WASHC2A: variants seen among roughly 807,000 people sequenced by gnomAD.
WASHC2A encodes the protein WASH complex subunit 2A.
Under a neutral mutation model 140.3 loss-of-function variants are expected in WASHC2A, and 82 were observed. The observed-to-expected ratio is 0.58, with a 90% CI of 0.49 to 0.70. The LOEUF (loss-of-function observed/expected upper bound fraction) is 0.70. Among genes scored for constraint, WASHC2A ranks in the 30% least tolerant of loss-of-function variants. WASHC2A has a pLI of 0.00. For missense variants in WASHC2A, 985 were observed against 1,521.8 expected, an observed-to-expected ratio of 0.65 and a Z score of 5.87; for synonymous variants, 340 against 560.8, an observed-to-expected ratio of 0.61 and a Z score of 5.56.
chr10:50,133,023 A>C lies in WASHC2A; in HGVS notation c.*78A>C. On this transcript the variant is annotated 3_prime_UTR_variant, in exon 31 of 31. Coordinates refer to ENST00000282633, the MANE Select transcript of WASHC2A (RefSeq NM_001005751.3). ...TGATGTTGTATATGCTGATGGTCTT[A>C]ACTGGATTACAAAAAGCAAATACTA... 1 of 1,608,396 alleles carries C rather than the reference A, an allele frequency of 6.2e-7. No homozygotes were observed. The highest frequency in any genetic ancestry group is 8.5e-7 in the Non-Finnish European group (1 of 1,177,782).
chr10:50,086,462 T>C (rs1217317380), intron 7 of WASHC2A, among the ~76,000 whole-genome samples: 53 of 152,182 alleles, frequency 3.5e-4, no homozygotes, highest in African/African-American at 1.3e-3. Context: ...TTTTTTATTA[T>C]ACTTTAAGTT....
At chr10:50,074,810 G>A (rs1838155447) in intron 3 of WASHC2A, among the ~76,000 whole-genome samples, 1 of 152,096 alleles carries the variant, frequency 6.6e-6, no homozygotes, top group South Asian at 2.1e-4. Context: ...CAGCTACTCG[G>A]GAGCTTGAGG....
At chr10:50,072,198 C>T (rs1193927791) in intron 3 of WASHC2A, among the ~76,000 whole-genome samples, 2 of 147,980 alleles carry the variant, frequency 1.4e-5, no homozygotes, top group African/African-American at 5.0e-5. Flanking sequence ...AGTTATCCTA[C>T]TTCAGCCTCC....
At chr10:50,126,988 G>A (rs1286751218) in intron 26 of WASHC2A, among the ~76,000 whole-genome samples, 172 bp from the exon 27 acceptor site, 1 of 152,114 alleles carries the variant, frequency 6.6e-6, no homozygotes, top group Non-Finnish European at 1.5e-5. Context: ...GGAGGCATAC[G>A]TGAAGTAGTG....
intron 3 of WASHC2A, among the ~76,000 whole-genome samples, chr10:50,076,114 C>A (rs1437854496): frequency 1.3e-5 from 2 of 151,752 alleles, no homozygotes; most frequent in African/African-American, 2.4e-5. Context: ...GGGGTTTTGC[C>A]ATGGTTTCAC....
intron 8 of WASHC2A, among the ~76,000 whole-genome samples, chr10:50,089,500 A>C (rs1415933502): frequency 1.8e-4 from 28 of 152,082 alleles, no homozygotes; most frequent in African/African-American, 6.3e-4. Context: ...GATAAGGCTA[A>C]GTTTGAGCCT....
chr10:50,130,037 G>T lies in WASHC2A; in HGVS notation c.3706G>T (p.Glu1236Ter). ...CATATTAACAACACAAGATATTTTTGAGGTAATAGGACTTAACACGTTTTT... is the reference window on the plus strand; with the variant it reads ...CATATTAACAACACAAGATATTTTTTAGGTAATAGGACTTAACACGTTTTT... ...DVILTTQDIF[E>*]DDIFATEAIK... Residue 1236 changes from glutamate (E) to a stop codon, truncating the protein, a stop_gained and splice_region_variant, in exon 29 of 31, where the codon GAG becomes TAG. Coordinates refer to ENST00000282633, the MANE Select transcript of WASHC2A (RefSeq NM_001005751.3). LOFTEE classifies it high-confidence loss of function. 6.2e-7 allele frequency: 1 copy of T among 1,611,844 alleles called. No individual in the cohort carries two copies.
At chr10:50,129,386 G>A (rs371353909) in intron 28 of WASHC2A, 33 bp from the exon 29 acceptor site, 17 of 1,611,844 alleles carry the variant, frequency 1.1e-5, no homozygotes, top group African/African-American at 5.3e-5. Context: ...TTATTTTATC[G>A]TCAGATCAAT....
chr10:50,130,170 T>C, intron 29 of WASHC2A, 131 bp downstream of exon 29: 2 of 1,204,994 alleles, frequency 1.7e-6, no homozygotes, highest in Admixed American at 2.4e-5. Flanking sequence ...TAATTATAAT[T>C]AGGCTCTTTT....
In WASHC2A at chr10:50,127,511, T is replaced by A; in HGVS notation, c.2875-72T>A. The A allele has an allele frequency of 1.9e-6, 3 of 1,611,890 alleles. No homozygotes were observed. The South Asian group carries it at 3.3e-5, about 18-fold the overall frequency. Reference sequence around the variant, plus strand: ...TATACATTATGTGCACCGAATCTTGTCATGTGTCACAATAAAGATAATAGA... The same window carrying A: ...TATACATTATGTGCACCGAATCTTGACATGTGTCACAATAAAGATAATAGA... On this transcript the variant is annotated intron_variant, in intron 27 of 30. Transcript: ENST00000282633.
intron 19 of WASHC2A, among the ~76,000 whole-genome samples, chr10:50,107,643 C>T (rs1168485287): frequency 5.3e-5 from 8 of 152,110 alleles, no homozygotes; most frequent in South Asian, 2.1e-4. Context: ...CTTATGCGGC[C>T]GGGCGTGGTG....
rs1843412476 is a variant in WASHC2A, at chr10:50,126,175, C to T, written c.2807C>T (p.Pro936Leu). The change falls in exon 26 of 31, where the codon CCT becomes CTT. Residue 936 changes from proline (P) to leucine (L), a missense_variant. Physicochemically the swap from Pro to Leu is moderately conservative, Grantham distance 98. Transcript: ENST00000282633. ...KEKGIWKPET[P>L]QDSSGLAPFK... ...AAAGGCATATGGAAGCCGGAAACACCTCAGGTTAGAAATCCTCTTTAAGGA... is the reference window on the plus strand; with the variant it reads ...AAAGGCATATGGAAGCCGGAAACACTTCAGGTTAGAAATCCTCTTTAAGGA... 5.6e-6 allele frequency: 9 copies of T among 1,613,026 alleles called. No individual in the cohort carries two copies. Among genetic ancestry groups the T allele is most frequent in the South Asian group, 3.3e-5 (3 of 91,046 alleles).
intron 5 of WASHC2A, among the ~76,000 whole-genome samples, chr10:50,081,639 CTT>C (rs576698406): frequency 1.4e-5 from 2 of 139,806 alleles, no homozygotes; most frequent in Non-Finnish European, 3.1e-5. Flanking sequence ...GAACCAAACC[CTT>C]TTTTTTTTTT....
chr10:50,073,395 C>T (rs1164024105), intron 3 of WASHC2A, among the ~76,000 whole-genome samples: 1 of 152,038 alleles, frequency 6.6e-6, no homozygotes, highest in Non-Finnish European at 1.5e-5. Flanking sequence ...ATATACATAA[C>T]TCTGACAAGC....
chr10:50,083,915 A>T (rs1839165708), intron 5 of WASHC2A, among the ~76,000 whole-genome samples, 157 bp from the exon 6 acceptor site: 1 of 111,422 alleles, frequency 9.0e-6, no homozygotes, highest in Admixed American at 8.8e-5. Context: ...GAAAAAAAGA[A>T]TTTTTTTTTT....
At position 50,131,053 on chromosome 10, in the gene WASHC2A, C is replaced by T. The variant is rs1192261685; in HGVS notation, c.3861C>T (p.Ala1287=). The T allele has an allele frequency of 9.9e-6, 16 of 1,611,348 alleles. No individual in the cohort carries two copies. The Admixed American group carries it at 2.7e-4, about 27-fold the overall frequency. Residue 1287 remains alanine (A), a synonymous_variant, in exon 30 of 31, where the codon GCC becomes GCT. Transcript: ENST00000282633. The stretch of plus-strand genomic sequence containing the variant: ...AAAAGTCCAAAAAGAAAGTGGAAGC[C>T]AAGTCTATATTTGATGATGATATGG... ...PKEKSKKKVE[A]KSIFDDDMDD...
chr10:50,069,455 A>G, intron 2 of WASHC2A, 92 bp from the exon 3 acceptor site: 1 of 1,452,614 alleles, frequency 6.9e-7, no homozygotes, highest in Admixed American at 2.4e-5. Context: ...TCTAACACTC[A>G]AAGGTGAAAG....
Position 50,105,863 on chromosome 10 carries a change from A to G in WASHC2A, c.1738-471A>G, listed in dbSNP as rs1299227049. ...CATGCCTTCCCTCCATCCCAGGTGT[A>G]TGTCTTTCTGACCTGTAAAGGAGTG... is the stretch of plus-strand genomic sequence containing the variant. On this transcript the variant is annotated intron_variant, in intron 18 of 30. Transcript: ENST00000282633. Among the ~76,000 whole-genome samples, 44 of 147,086 alleles carry G rather than the reference A, an allele frequency of 3.0e-4. 1 individual carries two copies. The South Asian group carries it at 3.8e-3, about 13-fold the overall frequency.
chr10:50,093,404 A>T lies in WASHC2A; in HGVS notation c.1122+18A>T. ...ACGAGGAGGTGAGTCCATGGCACCCAGCAACACTCCCTGCAGCTAGCTGTG... is the reference window on the plus strand; with the variant it reads ...ACGAGGAGGTGAGTCCATGGCACCCTGCAACACTCCCTGCAGCTAGCTGTG... On this transcript the variant is annotated intron_variant, in intron 12 of 30. Transcript: ENST00000282633. 1 of 1,347,256 alleles carries T rather than the reference A, an allele frequency of 7.4e-7. No homozygotes were observed. 83.5% of individuals were successfully genotyped at this position (1,347,256 alleles called of 1,614,324 possible).
Sources: gnomAD v4.1 joint callset for allele counts (sites outside exome capture counted in the v4.1 genomes callset) on GRCh38, gnomAD v4.1.1 for gene constraint, MANE v1.5 for transcripts, NCBI Gene and HGNC (gene_info 2026-07-23, HGNC 2026-07-21) for gene names.